The following MANEA variants were observed in gnomAD, a reference collection of about 807,000 sequenced individuals.
MANEA encodes glycoprotein endo-alpha-1,2-mannosidase.
Under a neutral mutation model 36.8 loss-of-function variants are expected in MANEA, and 25 were observed. That is an observed-to-expected ratio of 0.68 (90% CI 0.50 to 0.95). The LOEUF (loss-of-function observed/expected upper bound fraction) is 0.95. Among genes scored for constraint, MANEA ranks in the 40% least tolerant of loss-of-function variants. The probability of loss-of-function intolerance (pLI) is 0.00; values close to 1 mark genes in which losing one functional copy is unlikely to be tolerated. For synonymous variants in MANEA, 198 were observed against 188.5 expected (o/e 1.05, Z -0.41); for missense variants, 565 against 558.8 (o/e 1.01, Z -0.11).
In MANEA at chr6:95,587,028, T is replaced by C. The variant is rs770098068; in HGVS notation, c.544+45T>C. 6 of 1,095,044 alleles carry C rather than the reference T, an allele frequency of 5.5e-6. No individual in the cohort carries two copies. In the South Asian group the frequency reaches 8.4e-5, roughly 15 times the overall value. 67.8% of individuals were successfully genotyped at this position (1,095,044 alleles called of 1,614,324 possible). On this transcript the variant is annotated intron_variant, in intron 2 of 4. Coordinates refer to ENST00000358812, the MANE Select transcript of MANEA (RefSeq NM_024641.4). ...ATATGTGTGTTTGTGTCTGTATATATGCATATAAATGATTTTTTGTGTAAC... is the reference window on the plus strand; with the variant it reads ...ATATGTGTGTTTGTGTCTGTATATACGCATATAAATGATTTTTTGTGTAAC...
rs1364271301 is a variant in MANEA, at chr6:95,609,403, A to G, written c.*2998A>G. The G allele has an allele frequency of 6.6e-6, 1 of 151,710 alleles. No homozygotes were observed. The allele number at this position is 151,710 out of a possible 1,614,324, so 9.4% of individuals were successfully genotyped here. A position where few individuals can be genotyped will look rare whatever the true frequency, so the allele number is the denominator to read the frequency against. On this transcript the variant is annotated 3_prime_UTR_variant, in exon 5 of 5. Transcript: ENST00000358812. ...TAATTAAAAATTACTATTTTGTTAT[A>G]TGGAATGGTTAATTTTTACCTAATA... is the stretch of plus-strand genomic sequence containing the variant.
intron 2 of MANEA, among the ~76,000 whole-genome samples, chr6:95,590,535 G>A (rs1427914971): frequency 6.6e-6 from 1 of 152,072 alleles, no homozygotes; most frequent in African/African-American, 2.4e-5. Context: ...ATACATAAAA[G>A]TAGAAGTCAC....
At chr6:95,594,502 AT>A (rs568191905) in intron 2 of MANEA, among the ~76,000 whole-genome samples, 5 of 152,096 alleles carry the variant, frequency 3.3e-5, no homozygotes, top group Admixed American at 6.6e-5. Flanking sequence ...TATGAAGGTA[AT>A]TTTTAGAAGT....
chr6:95,584,691 G>A (rs1363789335), intron 1 of MANEA, among the ~76,000 whole-genome samples: 1 of 152,102 alleles, frequency 6.6e-6, no homozygotes, highest in Non-Finnish European at 1.5e-5. Flanking sequence ...GTTACTCCCT[G>A]TTCTTGGACC....
In MANEA at chr6:95,606,218, C is replaced by G. The variant is rs754208058; in HGVS notation, c.1202C>G (p.Ser401Cys). The change falls in exon 5 of 5, where the codon TCT becomes TGT. Residue 401 changes from serine (S) to cysteine (C), a missense_variant. Transcript: ENST00000358812. ...CGCCCCAGCTTAATTTCTATCACCTCTTTTAATGAGTGGCATGAAGGAACT... is the reference window on the plus strand; with the variant it reads ...CGCCCCAGCTTAATTTCTATCACCTGTTTTAATGAGTGGCATGAAGGAACT... ...QTRPSLISIT[S>C]FNEWHEGTQI... is the part of the protein sequence containing the mutation. The G allele has an allele frequency of 2.4e-5, 39 of 1,613,884 alleles. No individual in the cohort carries two copies. Among genetic ancestry groups the G allele is most frequent in the Non-Finnish European group, 3.2e-5 (38 of 1,179,966 alleles).
rs1562201484 is a variant in MANEA at position 95,605,728 on chromosome 6, TA to T, written c.732-19del. ...TAGTTGTGAATATTCATTTCACTTT[TA>T]TATATGCTTATTTTCTAGATATGGA... On this transcript the variant is annotated intron_variant, in intron 4 of 4. Transcript: ENST00000358812. 1.0e-5 allele frequency: 16 copies of T among 1,579,518 alleles called. No individual in the cohort carries two copies. The Middle Eastern group carries it at 6.7e-4, about 67-fold the overall frequency.
At position 95,606,081 on chromosome 6, in the gene MANEA, T is replaced by C; in HGVS notation, c.1065T>C (p.Ser355=). The C allele has an allele frequency of 4.3e-6, 7 of 1,614,002 alleles. No individual in the cohort carries two copies. Among genetic ancestry groups the C allele is most frequent in the Non-Finnish European group, 5.9e-6 (7 of 1,179,902 alleles). Reference sequence around the variant, plus strand: ...AATACAACTTAATATTTATCCCAAGTGTGGGCCCAGGATACATAGATACCA... The same window carrying C: ...AATACAACTTAATATTTATCCCAAGCGTGGGCCCAGGATACATAGATACCA... The part of the protein sequence containing the change: ...CDKYNLIFIP[S]VGPGYIDTSI... The change falls in exon 5 of 5, where the codon AGT becomes AGC. Residue 355 remains serine (S), a synonymous_variant. Transcript: ENST00000358812.
intron 2 of MANEA, among the ~76,000 whole-genome samples, chr6:95,589,249 C>A (rs767016404): frequency 1.3e-5 from 2 of 152,084 alleles, no homozygotes; most frequent in Non-Finnish European, 2.9e-5. Flanking sequence ...ATGGAGCTGG[C>A]ATGCTGACTC....
At chr6:95,595,924 A>G (rs2127942633) in intron 2 of MANEA, among the ~76,000 whole-genome samples, 1 of 152,302 alleles carries the variant, frequency 6.6e-6, no homozygotes, top group Non-Finnish European at 1.5e-5. Context: ...AGTTTTACTC[A>G]TAATGGGCAA....
intron 3 of MANEA, among the ~76,000 whole-genome samples, chr6:95,603,814 G>A (rs970927269): frequency 6.6e-6 from 1 of 151,884 alleles, no homozygotes; most frequent in Non-Finnish European, 1.5e-5. Context: ...CTCATTCTTT[G>A]TTTTATGAAT....
At chr6:95,593,294 G>T (rs1769419968) in intron 2 of MANEA, among the ~76,000 whole-genome samples, 1 of 152,138 alleles carries the variant, frequency 6.6e-6, no homozygotes, top group South Asian at 2.1e-4. Context: ...TTGGGCTGTG[G>T]ATCACAGTAT....
At chr6:95,603,057 A>G (rs954886136) in intron 3 of MANEA, among the ~76,000 whole-genome samples, 14 of 150,650 alleles carry the variant, frequency 9.3e-5, no homozygotes, top group Non-Finnish European at 1.8e-4. Context: ...AAAAAATTGC[A>G]AAGTAATTTT....
rs1369467769 is a variant in MANEA at position 95,606,018 on chromosome 6, A to G, written c.1002A>G (p.Ser334=). 1.2e-6 allele frequency: 2 copies of G among 1,613,952 alleles called. No homozygotes were observed. Among genetic ancestry groups the G allele is most frequent in the East Asian group, 2.2e-5 (1 of 44,888 alleles). Residue 334 remains serine (S), a synonymous_variant, in exon 5 of 5, where the codon TCA becomes TCG. Coordinates refer to ENST00000358812, the MANE Select transcript of MANEA (RefSeq NM_024641.4). ...FATNGFTYGS[S]HQNWASLKLF... ...CAAATGGCTTTACTTATGGCTCATC[A>G]CATCAGAATTGGGCTAGCCTAAAAT...
At chr6:95,580,150 G>A (rs1769151905) in intron 1 of MANEA, among the ~76,000 whole-genome samples, 1 of 151,770 alleles carries the variant, frequency 6.6e-6, no homozygotes, top group African/African-American at 2.4e-5. Context: ...AATATGTTCA[G>A]TATACACCGT....
At position 95,607,938 on chromosome 6, in the gene MANEA, T is replaced by G. The variant is rs986112932; in HGVS notation, c.*1533T>G. ...TATAAAATAGACCAGATGACAAAATTTATTTTATTTTTAAACAGTGGTTTT... is the reference window on the plus strand; with the variant it reads ...TATAAAATAGACCAGATGACAAAATGTATTTTATTTTTAAACAGTGGTTTT... On this transcript the variant is annotated 3_prime_UTR_variant, in exon 5 of 5. Coordinates refer to ENST00000358812, the MANE Select transcript of MANEA (RefSeq NM_024641.4). The G allele has an allele frequency of 1.3e-5, 2 of 151,720 alleles. No homozygotes were observed. The highest frequency in any genetic ancestry group is 4.8e-5 in the African/African-American group (2 of 41,364). 9.4% of individuals were successfully genotyped at this position (151,720 alleles called of 1,614,324 possible).
chr6:95,589,938 A>G (rs549138819), intron 2 of MANEA: 2 of 152,310 alleles, frequency 1.3e-5, no homozygotes, highest in African/African-American at 4.8e-5. Context: ...AAATAGAAGA[A>G]GAGGGAAAAG....
intron 2 of MANEA, 38 bp downstream of exon 2, chr6:95,587,021 GTA>G: frequency 2.7e-5 from 27 of 1,016,256 alleles, no homozygotes; most frequent in Non-Finnish European, 4.0e-5. Flanking sequence ...GTTTGTGTCT[GTA>G]TATATGCATA....
chr6:95,594,804 T>G (rs7757276), intron 2 of MANEA, among the ~76,000 whole-genome samples: 15,931 of 152,222 alleles, frequency 0.1, 934 homozygotes, highest in Non-Finnish European at 0.12. Flanking sequence ...ACCTGCAGTT[T>G]AATTCACTGC....
At position 95,596,864 on chromosome 6, in the gene MANEA, C is replaced by G; in HGVS notation, c.654+18C>G. The G allele has an allele frequency of 8.0e-7, 1 of 1,250,758 alleles. No homozygotes were observed. Among genetic ancestry groups the G allele is most frequent in the Non-Finnish European group, 1.2e-6 (1 of 853,222 alleles). The allele number at this position is 1,250,758 out of a possible 1,614,324, so 77.5% of individuals were successfully genotyped here. ...ACCTAAAGGTATTTTATTTTATTTTCAAGCTATACATAAGTTAATTCTTTT... is the reference window on the plus strand; with the variant it reads ...ACCTAAAGGTATTTTATTTTATTTTGAAGCTATACATAAGTTAATTCTTTT... On this transcript the variant is annotated intron_variant, in intron 3 of 4. Coordinates refer to ENST00000358812, the MANE Select transcript of MANEA (RefSeq NM_024641.4).
Sources: gnomAD v4.1 joint callset for allele counts (sites outside exome capture counted in the v4.1 genomes callset) on GRCh38, gnomAD v4.1.1 for gene constraint, MANE v1.5 for transcripts, NCBI Gene and HGNC (gene_info 2026-07-23, HGNC 2026-07-21) for gene names.